Variants in OPCML observed in about 807,000 individuals in gnomAD.
The protein encoded by OPCML is opioid binding protein/cell adhesion molecule like, also known as opioid-binding protein/cell adhesion molecule.
Under a neutral mutation model 37.8 loss-of-function variants are expected in OPCML, and 13 were observed. The observed-to-expected ratio is 0.34, with a 90% CI of 0.22 to 0.55. OPCML has a LOEUF of 0.55. Among genes scored for constraint, OPCML ranks in the 20% least tolerant of loss-of-function variants. The probability of loss-of-function intolerance (pLI) is 0.91; values close to 1 mark genes in which losing one functional copy is unlikely to be tolerated. For missense variants in OPCML, 341 were observed against 435.6 expected (o/e 0.78, Z 1.93); for synonymous variants, 176 against 168.8 (o/e 1.04, Z -0.33).
intron 2 of OPCML, among the ~76,000 whole-genome samples, chr11:132,788,036 A>G (rs1044836259): frequency 2.0e-5 from 3 of 152,090 alleles, no homozygotes; most frequent in Non-Finnish European, 4.4e-5. Context: ...GCACGCCACC[A>G]TGCCCAGCTA....
At chr11:133,462,864 G>T (rs1433674315) in intron 1 of OPCML, among the ~76,000 whole-genome samples, 1 of 152,090 alleles carries the variant, frequency 6.6e-6, no homozygotes. Context: ...GCAAGAAAAT[G>T]AACAGATATT....
At chr11:133,433,278 G>T (rs1004149144) in intron 1 of OPCML, among the ~76,000 whole-genome samples, 14 of 142,860 alleles carry the variant, frequency 9.8e-5, no homozygotes, top group Non-Finnish European at 1.5e-4. Context: ...AAATATTACT[G>T]ATGGATTTTA....
chr11:132,964,652 G>A lies in OPCML; in HGVS notation c.62-21642C>T, dbSNP rs1357838099. Among the ~76,000 whole-genome samples the A allele has an allele frequency of 3.9e-5, 6 of 152,056 alleles. No individual in the cohort carries two copies. The East Asian group carries it at 9.7e-4, about 25-fold the overall frequency. ...TCCTACCGCTTCCTCCTGCCCAGTC[G>A]CTACCATGCAAGGCTCTGCCAAACG... is the stretch of plus-strand genomic sequence containing the variant. On this transcript the variant is annotated intron_variant, in intron 1 of 7. Coordinates refer to ENST00000524381, the MANE Select transcript of OPCML (RefSeq NM_001012393.5).
intron 2 of OPCML, among the ~76,000 whole-genome samples, chr11:132,869,055 G>A (rs571265909): frequency 2.0e-4 from 30 of 152,254 alleles, no homozygotes; most frequent in African/African-American, 6.7e-4. Context: ...GGGGTATGGC[G>A]GTAACTCCAT....
intron 1 of OPCML, among the ~76,000 whole-genome samples, chr11:133,185,126 C>A (rs1414077554): frequency 6.6e-6 from 1 of 152,164 alleles, no homozygotes; most frequent in African/African-American, 2.4e-5. Flanking sequence ...GCAACATATT[C>A]ATAAACTCCA....
rs533200155 is a variant in OPCML, at chr11:133,032,681, A to G, written c.62-89671T>C. Among the ~76,000 whole-genome samples, 13 of 152,322 alleles carry G rather than the reference A, an allele frequency of 8.5e-5. No homozygotes were observed. The East Asian group carries it at 1.9e-3, about 23-fold the overall frequency. On this transcript the variant is annotated intron_variant, in intron 1 of 7. Transcript: ENST00000524381. ...ACTCTGGTTTTAAACCAAGATCCCA[A>G]TGTAAGATACTAATGAAAGAAGCCT...
chr11:133,325,648 G>A (rs1210203899), intron 1 of OPCML, among the ~76,000 whole-genome samples: 1 of 152,120 alleles, frequency 6.6e-6, no homozygotes, highest in African/African-American at 2.4e-5. Flanking sequence ...GACGTTTTAA[G>A]ATGTCCTAAG....
At chr11:133,161,903 C>T (rs1264463239) in intron 1 of OPCML, among the ~76,000 whole-genome samples, 1 of 151,402 alleles carries the variant, frequency 6.6e-6, no homozygotes, top group Admixed American at 6.6e-5. Flanking sequence ...CAGTGCCTGC[C>T]TCCCGGTACC....
At chr11:132,952,215 G>T (rs1945875488) in intron 1 of OPCML, among the ~76,000 whole-genome samples, 1 of 152,134 alleles carries the variant, frequency 6.6e-6, no homozygotes, top group African/African-American at 2.4e-5. Context: ...GAAGAAGGTG[G>T]CTCTCTGGGG....
In OPCML at chr11:132,724,264, C is replaced by A. The variant is rs79454926; in HGVS notation, c.147-66945G>T. Among the ~76,000 whole-genome samples, 18 of 152,290 alleles carry A rather than the reference C, an allele frequency of 1.2e-4. No individual in the cohort carries two copies. The South Asian group carries it at 3.7e-3, about 32-fold the overall frequency. On this transcript the variant is annotated intron_variant, in intron 2 of 7. Transcript: ENST00000524381. ...GAGAGAGAGAAAATGCTGACCTGAT[C>A]AAGTTCGTTCAGAATTGACTAAGAA...
Position 133,208,370 on chromosome 11 carries a change from T to C in OPCML, c.62-265360A>G, listed in dbSNP as rs903946885. Among the ~76,000 whole-genome samples the C allele has an allele frequency of 6.6e-6, 1 of 152,154 alleles. No individual in the cohort carries two copies. The highest frequency in any genetic ancestry group is 2.4e-5 in the African/African-American group (1 of 41,428). On this transcript the variant is annotated intron_variant, in intron 1 of 7. Transcript: ENST00000524381. This position sits in a 1 kb window ranked among gnomAD's most constrained non-coding sequence, Gnocchi z 8.9. ...TCATTGTCGAGGGGCAGCTGGGGCA[T>C]GGTAGAAAGGGCCATAGGTTAGGAT...
chr11:133,368,234 G>A (rs1846478348), intron 1 of OPCML, among the ~76,000 whole-genome samples: 1 of 74,802 alleles, frequency 1.3e-5, no homozygotes, highest in Admixed American at 1.5e-4. Context: ...TATAGAGAAG[G>A]AAAAGGTGAG....
chr11:133,111,752 T>C (rs1302914608), intron 1 of OPCML, among the ~76,000 whole-genome samples: 1 of 152,154 alleles, frequency 6.6e-6, no homozygotes, highest in East Asian at 1.9e-4. Flanking sequence ...TTTGTTTTGT[T>C]GTTTGTAGGT....
chr11:132,571,973 G>T (rs547495346), intron 3 of OPCML, among the ~76,000 whole-genome samples: 1 of 152,206 alleles, frequency 6.6e-6, no homozygotes, highest in African/African-American at 2.4e-5. Flanking sequence ...TGGTATGTAA[G>T]GTGATACCTC....
intron 2 of OPCML, among the ~76,000 whole-genome samples, chr11:132,685,269 A>T (rs1784526): frequency 2.0e-5 from 3 of 152,088 alleles, no homozygotes; most frequent in Non-Finnish European, 2.9e-5. Context: ...GTATGATGTC[A>T]GTCTTAGTTG....
intron 1 of OPCML, among the ~76,000 whole-genome samples, chr11:133,232,763 A>C (rs1940333128): frequency 6.6e-6 from 1 of 151,944 alleles, no homozygotes; most frequent in Admixed American, 6.6e-5. Flanking sequence ...GGAGAGAAAA[A>C]GTGGGGGAAA....
At chr11:133,081,495 C>A (rs898819664) in intron 1 of OPCML, among the ~76,000 whole-genome samples, 1 of 152,194 alleles carries the variant, frequency 6.6e-6, no homozygotes, top group Non-Finnish European at 1.5e-5. Context: ...ATGAATGAAG[C>A]GCTCTTACAC....
chr11:132,659,545 C>T (rs1448025138), intron 2 of OPCML, among the ~76,000 whole-genome samples: 1 of 152,154 alleles, frequency 6.6e-6, no homozygotes, highest in Non-Finnish European at 1.5e-5. Flanking sequence ...ACCCAAGTGA[C>T]TAAGTGCAAA....
intron 1 of OPCML, among the ~76,000 whole-genome samples, chr11:133,219,746 C>T (rs966143783): frequency 3.3e-5 from 5 of 152,098 alleles, no homozygotes; most frequent in African/African-American, 7.2e-5. Context: ...GACAACTGTG[C>T]CCCCTGGAGG....
Sources: gnomAD v4.1 joint callset for allele counts (sites outside exome capture counted in the v4.1 genomes callset) on GRCh38, gnomAD v4.1.1 for gene constraint, Gnocchi (gnomAD v3.1) non-coding constraint, MANE v1.5 for transcripts, NCBI Gene and HGNC (gene_info 2026-07-23, HGNC 2026-07-21) for gene names.